Variants in INO80D observed in about 807,000 individuals in gnomAD.
The protein encoded by INO80D is INO80 complex subunit D.
A neutral mutation model predicts 87.6 loss-of-function variants in INO80D; 21 were observed. The observed-to-expected ratio is 0.24, with a 90% CI of 0.17 to 0.35. The LOEUF (loss-of-function observed/expected upper bound fraction) is 0.35. Ranked by LOEUF, INO80D falls within the 10% of genes least tolerant of loss-of-function variation. The pLI is 1.00. For synonymous variants in INO80D, 440 were observed against 491.0 expected (o/e 0.90, Z 1.37); for missense variants, 982 against 1,280.7 (o/e 0.77, Z 3.56).
chr2:206,058,963 G>A (rs1453171108), intron 3 of INO80D, among the ~76,000 whole-genome samples: 1 of 151,516 alleles, frequency 6.6e-6, no homozygotes, highest in Non-Finnish European at 1.5e-5. Context: ...GGTGGCTCAT[G>A]TCTGTAATCC....
chr2:206,058,685 G>C (rs891188108), intron 3 of INO80D, among the ~76,000 whole-genome samples: 2 of 152,030 alleles, frequency 1.3e-5, no homozygotes, highest in African/African-American at 4.8e-5. Flanking sequence ...AGTGAGCTGA[G>C]ACTGCACCAC....
rs1213139322 is a variant in INO80D at position 205,998,292 on chromosome 2, AG to A, written c.*6075del. The stretch of plus-strand genomic sequence containing the variant: ...TTTACTAAAGAACATGATTCTCAAC[AG>A]TTCTAGGAACAGTTATAAATGGTCT... On this transcript the variant is annotated 3_prime_UTR_variant, in exon 11 of 11. Transcript: ENST00000403263. The A allele has an allele frequency of 6.6e-6, 1 of 152,112 alleles. No homozygotes were observed. Among genetic ancestry groups the A allele is most frequent in the Non-Finnish European group, 1.5e-5 (1 of 67,990 alleles). 9.4% of individuals were successfully genotyped at this position (152,112 alleles called of 1,614,324 possible).
intron 6 of INO80D, among the ~76,000 whole-genome samples, chr2:206,024,440 C>A (rs910830385): frequency 6.6e-6 from 1 of 151,786 alleles, no homozygotes; most frequent in Non-Finnish European, 1.5e-5. Flanking sequence ...TGTTCTAGAA[C>A]AGATACTAGA....
chr2:206,082,308 C>T (rs1005216155), intron 1 of INO80D, among the ~76,000 whole-genome samples: 6 of 152,252 alleles, frequency 3.9e-5, no homozygotes, highest in Non-Finnish European at 5.9e-5. Flanking sequence ...GCGTGAGCCA[C>T]CACGCCCGGC....
chr2:206,061,772 A>G (rs1689696897), intron 3 of INO80D, among the ~76,000 whole-genome samples: 1 of 152,220 alleles, frequency 6.6e-6, no homozygotes, highest in Non-Finnish European at 1.5e-5. Flanking sequence ...TCATGACACA[A>G]AATATCTGAT....
At chr2:206,050,767 G>A (rs1689337810) in intron 4 of INO80D, among the ~76,000 whole-genome samples, 1 of 151,966 alleles carries the variant, frequency 6.6e-6, no homozygotes, top group Admixed American at 6.6e-5. Context: ...AGGAGATTGA[G>A]ACCATCTTGG....
intron 1 of INO80D, among the ~76,000 whole-genome samples, chr2:206,064,742 A>G (rs1185011298): frequency 6.6e-6 from 1 of 152,174 alleles, no homozygotes; most frequent in Non-Finnish European, 1.5e-5. Context: ...GTAATACAAG[A>G]CTACATTCCA....
intron 4 of INO80D, among the ~76,000 whole-genome samples, chr2:206,048,826 A>C (rs1180241900): frequency 1.3e-5 from 2 of 152,188 alleles, no homozygotes; most frequent in Non-Finnish European, 2.9e-5. Context: ...CCTTGAGCCC[A>C]GGAGGTTGAG....
chr2:206,073,824 T>G (rs921441519), intron 1 of INO80D, among the ~76,000 whole-genome samples: 20 of 152,190 alleles, frequency 1.3e-4, no homozygotes, highest in African/African-American at 4.8e-4. Context: ...CTATCACATT[T>G]CCTAATCCAT....
At chr2:206,012,157 A>C (rs1394077135) in intron 8 of INO80D, among the ~76,000 whole-genome samples, 2 of 152,200 alleles carry the variant, frequency 1.3e-5, no homozygotes, top group South Asian at 2.1e-4. Flanking sequence ...CCTGCTCTAA[A>C]GGCTACTTAC....
chr2:206,027,145 C>T lies in INO80D; in HGVS notation c.1298+966G>A, dbSNP rs181801602. Among the ~76,000 whole-genome samples the T allele has an allele frequency of 1.8e-3, 182 of 102,476 alleles. 1 individual carries two copies. The Admixed American group carries it at 0.018, about 10-fold the overall frequency. 67.2% of individuals were successfully genotyped at this position (102,476 alleles called of 152,430 possible). The stretch of plus-strand genomic sequence containing the variant: ...GCTCACTGGAAAATTTACACACGCA[C>T]GCGCGCACGCGCACACACACACACA... On this transcript the variant is annotated intron_variant, in intron 6 of 10. Coordinates refer to ENST00000403263, the MANE Select transcript of INO80D (RefSeq NM_017759.5).
intron 1 of INO80D, among the ~76,000 whole-genome samples, chr2:206,078,331 C>A (rs1000681247): frequency 6.6e-6 from 1 of 152,022 alleles, no homozygotes; most frequent in Admixed American, 6.6e-5. Flanking sequence ...GCAGAAGAAT[C>A]GCTTGAACCG....
In INO80D at chr2:206,056,763, T is replaced by G. The variant is rs1689536963; in HGVS notation, c.399A>C (p.Pro133=). The G allele has an allele frequency of 6.2e-7, 1 of 1,612,782 alleles. No homozygotes were observed. The highest frequency in any genetic ancestry group is 8.5e-7 in the Non-Finnish European group (1 of 1,179,376). The change falls in exon 4 of 11, where the codon CCA becomes CCC. Residue 133 remains proline, a synonymous_variant. Coordinates refer to ENST00000403263, the MANE Select transcript of INO80D (RefSeq NM_017759.5). ...PNGLDGMSLS[P]PGARVPLHYL... is the part of the protein sequence containing the mutation. Reference sequence around the variant, plus strand: ...AGTGGAGAGGGACCCTTGCCCCAGGTGGAGAGAGGGACATTCCATCCAGTC... The same window carrying G: ...AGTGGAGAGGGACCCTTGCCCCAGGGGGAGAGAGGGACATTCCATCCAGTC...
In INO80D at chr2:206,005,117, C is replaced by T; in HGVS notation, c.2335G>A (p.Ala779Thr). Residue 779 changes from alanine to threonine, a missense_variant, in exon 11 of 11, where the codon GCC becomes ACC. Physicochemically the swap from Ala to Thr is moderately conservative, Grantham distance 58. Transcript: ENST00000403263. ...AGTCCATGAAACTGTCCTGGGAAGG[C>T]TCTCTCCCCAAGTGCACTCTGGCTG... Reference protein sequence around the residue: ...LISQSALGERAFPGQFHGLHD... With the variant: ...LISQSALGERTFPGQFHGLHD... 6.2e-7 allele frequency: 1 copy of T among 1,613,970 alleles called. No homozygotes were observed. The highest frequency in any genetic ancestry group is 8.5e-7 in the Non-Finnish European group (1 of 1,179,870).
intron 8 of INO80D, among the ~76,000 whole-genome samples, chr2:206,016,863 C>G (rs1178039349): frequency 1.3e-5 from 2 of 152,152 alleles, no homozygotes; most frequent in Non-Finnish European, 2.9e-5. Flanking sequence ...ATGACTTACT[C>G]CTCCTTGCCT....
At chr2:206,021,042 A>G (rs1223756159) in intron 6 of INO80D, among the ~76,000 whole-genome samples, 2 of 152,074 alleles carry the variant, frequency 1.3e-5, no homozygotes, top group African/African-American at 2.4e-5. Context: ...AAAAAAGACA[A>G]TTCTTACAAG....
intron 1 of INO80D, among the ~76,000 whole-genome samples, chr2:206,067,287 G>A (rs1340216059): frequency 6.6e-6 from 1 of 151,810 alleles, no homozygotes; most frequent in African/African-American, 2.4e-5. Flanking sequence ...GAGGCTAGAG[G>A]CTACAAGACA....
chr2:206,045,862 G>A (rs775580230), intron 5 of INO80D, among the ~76,000 whole-genome samples: 3 of 152,200 alleles, frequency 2.0e-5, no homozygotes, highest in Non-Finnish European at 4.4e-5. Context: ...GGGACTCCAC[G>A]TAGCCCCCCA....
intron 5 of INO80D, among the ~76,000 whole-genome samples, chr2:206,035,962 C>A (rs1439969053): frequency 6.6e-6 from 1 of 152,048 alleles, no homozygotes; most frequent in African/African-American, 2.4e-5. Context: ...AAATGGGCAA[C>A]AAACATATGA....
Sources: gnomAD v4.1 joint callset for allele counts (sites outside exome capture counted in the v4.1 genomes callset) on GRCh38, gnomAD v4.1.1 for gene constraint, MANE v1.5 for transcripts, NCBI Gene and HGNC (gene_info 2026-07-23, HGNC 2026-07-21) for gene names.